Variants in LRTM3 observed in about 807,000 individuals in gnomAD.
LRTM3 encodes the protein leucine-rich repeat transmembrane protein 3.
chr13:102,742,852 A>G, the LRTM3 span: 1 of 1,550,754 alleles, frequency 6.4e-7, no homozygotes, highest in South Asian at 1.2e-5. Flanking sequence ...CAGAATGGCC[A>G]ATGTTCTGTT....
At chr13:102,744,513 G>T in the LRTM3 span, 1 of 1,550,420 alleles carries the variant, frequency 6.4e-7, no homozygotes, top group Non-Finnish European at 8.7e-7. Context: ...TGAGGACTTT[G>T]TTTCATCATG....
At chr13:102,748,216 G>A in the LRTM3 span, 2 of 1,550,974 alleles carry the variant, frequency 1.3e-6, no homozygotes, top group South Asian at 2.4e-5. Context: ...TATTTGTTAT[G>A]TTACTTCCAG....
chr13:102,738,539 T>G, the LRTM3 span: 1 of 1,550,876 alleles, frequency 6.4e-7, no homozygotes, highest in Non-Finnish European at 8.7e-7. Context: ...TGATTTCATT[T>G]TCTTCAAAGC....
the LRTM3 span, chr13:102,746,372 G>A: frequency 6.4e-7 from 1 of 1,550,880 alleles, no homozygotes; most frequent in Non-Finnish European, 8.7e-7. Flanking sequence ...ATCAGTGTAT[G>A]TCTTATCTGC....
chr13:102,758,823 C>G, the LRTM3 span: 1 of 1,549,746 alleles, frequency 6.5e-7, no homozygotes, highest in South Asian at 1.2e-5. Flanking sequence ...AATTGCCACC[C>G]AATCATTTTG....
chr13:102,735,651 C>T, the LRTM3 span: 1 of 1,551,088 alleles, frequency 6.4e-7, no homozygotes, highest in Admixed American at 2.0e-5. Flanking sequence ...ATTCTGAGTC[C>T]ACCTTTCTCT....
chr13:102,730,362 C>A, the LRTM3 span: 1 of 1,550,924 alleles, frequency 6.4e-7, no homozygotes, highest in African/African-American at 1.4e-5. Flanking sequence ...TCCAAGTCAG[C>A]TGGACTCTCA....
chr13:102,748,195 A>G, the LRTM3 span: 1 of 1,551,114 alleles, frequency 6.4e-7, no homozygotes, highest in Non-Finnish European at 8.7e-7. Context: ...ACGTTTCTTT[A>G]TCTTGATGCA....
the LRTM3 span, chr13:102,738,532 T>C: frequency 6.4e-7 from 1 of 1,550,728 alleles, no homozygotes; most frequent in African/African-American, 1.4e-5. Flanking sequence ...AAATTGATGA[T>C]TTCATTTTCT....
At chr13:102,741,837 T>G in the LRTM3 span, 9 of 1,550,448 alleles carry the variant, frequency 5.8e-6, no homozygotes, top group Non-Finnish European at 7.9e-6. Context: ...TCTGTTCTAA[T>G]TCGTGGGGCA....
the LRTM3 span, chr13:102,743,435 T>A: frequency 6.4e-7 from 1 of 1,550,548 alleles, no homozygotes; most frequent in South Asian, 1.2e-5. Context: ...TAAATTGGAT[T>A]CAAGTTTCTT....
the LRTM3 span, chr13:102,759,034 G>T: frequency 1.5e-6 from 1 of 671,888 alleles, no homozygotes; most frequent in Non-Finnish European, 2.5e-6. Flanking sequence ...ATAACCATGT[G>T]CAACATTTGG....
chr13:102,747,802 T>A, the LRTM3 span: 1 of 1,551,090 alleles, frequency 6.4e-7, no homozygotes, highest in Non-Finnish European at 8.7e-7. Flanking sequence ...AAATAGTTTG[T>A]GTAGAAAGAG....
chr13:102,731,207 G>A, the LRTM3 span: 1,065 of 1,551,302 alleles, frequency 6.9e-4, 14 homozygotes, highest in Admixed American at 1.6e-4. Flanking sequence ...AACAATCAGT[G>A]TCTTCATATT....
the LRTM3 span, chr13:102,743,653 T>G: frequency 6.5e-7 from 1 of 1,550,350 alleles, no homozygotes; most frequent in Non-Finnish European, 8.7e-7. Flanking sequence ...CTTGTACTTC[T>G]TCCTCTTCCT....
At chr13:102,746,689 G>T in the LRTM3 span, 2 of 1,551,128 alleles carry the variant, frequency 1.3e-6, no homozygotes, top group Non-Finnish European at 1.7e-6. Flanking sequence ...TGCAATAATT[G>T]AAAGTCTCTG....
chr13:102,750,446 T>G, the LRTM3 span: 40 of 988,058 alleles, frequency 4.0e-5, no homozygotes, highest in African/African-American at 6.2e-4. Context: ...GTATAAGAAT[T>G]ACCTTTAGAT....
chr13:102,734,528 G>T, the LRTM3 span: 3 of 1,551,232 alleles, frequency 1.9e-6, no homozygotes, highest in Non-Finnish European at 2.6e-6. Context: ...GGAACGAGGT[G>T]ACTTCTTTGA....
At chr13:102,748,497 C>A in the LRTM3 span, 197 of 1,551,058 alleles carry the variant, frequency 1.3e-4, no homozygotes, top group Middle Eastern at 3.3e-4. Flanking sequence ...GTTGGTAACT[C>A]CTCTCCATTT....
Sources: allele counts gnomAD v4.1 joint callset, GRCh38; gene constraint gnomAD v4.1.1; transcripts MANE v1.5; gene names NCBI Gene and HGNC (gene_info 2026-07-23, HGNC 2026-07-21).